Variants in CTNNA1 observed in about 807,000 individuals in gnomAD.
CTNNA1 encodes catenin alpha 1.
A neutral mutation model predicts 98.4 loss-of-function variants in CTNNA1; 37 were observed. The ratio of observed to expected loss-of-function variants is 0.38; its 90% CI spans 0.29 to 0.49. The LOEUF is 0.49. Among genes scored for constraint, CTNNA1 ranks in the 20% least tolerant of loss-of-function variants. The pLI is 0.95. For missense variants in CTNNA1, 761 were observed against 1,147.2 expected (o/e 0.66, Z 4.86); for synonymous variants, 404 against 413.2 (o/e 0.98, Z 0.27).
intron 5 of CTNNA1, 69 bp from the exon 6 acceptor site, chr5:138,824,461 A>T: frequency 6.5e-7 from 1 of 1,529,464 alleles, no homozygotes; most frequent in South Asian, 1.2e-5. Context: ...AGCATTTACC[A>T]GCAAATTTTT....
At chr5:138,780,721 G>A (rs1754989525) in intron 1 of CTNNA1, among the ~76,000 whole-genome samples, 2 of 151,236 alleles carry the variant, frequency 1.3e-5, no homozygotes, top group South Asian at 4.2e-4. Context: ...TATCCTTGTT[G>A]GTCAGGCTGG....
chr5:138,811,637 C>T (rs969215569), intron 4 of CTNNA1, among the ~76,000 whole-genome samples: 196 of 151,710 alleles, frequency 1.3e-3, no homozygotes, highest in African/African-American at 4.4e-3. Flanking sequence ...TGTTGAGCAC[C>T]GAGTGAACCA....
At chr5:138,923,009 A>G (rs2150275009) in intron 11 of CTNNA1, among the ~76,000 whole-genome samples, 1 of 145,706 alleles carries the variant, frequency 6.9e-6, no homozygotes, top group Middle Eastern at 3.5e-3. Flanking sequence ...TTTTGAACGG[A>G]AAGGAATGCC....
chr5:138,825,529 TA>T (rs66958270), intron 6 of CTNNA1, among the ~76,000 whole-genome samples: 80,689 of 115,924 alleles, frequency 0.7, 28,118 homozygotes, highest in East Asian at 0.99. Context: ...TGGGGCTAAT[TA>T]AAAAAAAAAA....
At chr5:138,766,446 G>GT (rs1299954362) in intron 1 of CTNNA1, among the ~76,000 whole-genome samples, 42 of 89,330 alleles carry the variant, frequency 4.7e-4, no homozygotes, top group East Asian at 2.3e-3. Flanking sequence ...GCAATACCAT[G>GT]TTTTGTTTTT....
chr5:138,877,193 A>G (rs1484812092), intron 7 of CTNNA1, among the ~76,000 whole-genome samples: 1 of 152,044 alleles, frequency 6.6e-6, no homozygotes, highest in African/African-American at 2.4e-5. Flanking sequence ...CCTGGTTTAG[A>G]CCCGGGGAAT....
At chr5:138,841,874 C>T (rs1189782143) in intron 7 of CTNNA1, among the ~76,000 whole-genome samples, 2 of 152,138 alleles carry the variant, frequency 1.3e-5, no homozygotes, top group African/African-American at 4.8e-5. Context: ...TTCAAGGCTT[C>T]CTTAAGGGCT....
chr5:138,769,880 C>T (rs1264220106), intron 1 of CTNNA1, among the ~76,000 whole-genome samples: 1 of 151,296 alleles, frequency 6.6e-6, no homozygotes, highest in Non-Finnish European at 1.5e-5. Flanking sequence ...GAGTTTCGGT[C>T]TTGTCGTCCA....
At chr5:138,783,445 G>T (rs185384229) in intron 3 of CTNNA1, 73 bp downstream of exon 3, 489 of 1,338,434 alleles carry the variant, frequency 3.7e-4, no homozygotes, top group South Asian at 5.5e-4. Flanking sequence ...GATTTTTTTT[G>T]TGGTCAGTAT....
At chr5:138,816,499 A>G (rs559150920) in intron 5 of CTNNA1, among the ~76,000 whole-genome samples, 2 of 152,302 alleles carry the variant, frequency 1.3e-5, no homozygotes, top group East Asian at 3.9e-4. Flanking sequence ...CCATCAGTGT[A>G]TAAGAGTGTT....
intron 9 of CTNNA1, among the ~76,000 whole-genome samples, chr5:138,887,948 C>G (rs1754451837): frequency 6.6e-6 from 1 of 152,138 alleles, no homozygotes; most frequent in Admixed American, 6.5e-5. Context: ...GCAACAATGC[C>G]TAAGAACCAG....
intron 10 of CTNNA1, among the ~76,000 whole-genome samples, chr5:138,913,010 C>T (rs1760976855): frequency 6.6e-6 from 1 of 150,752 alleles, no homozygotes; most frequent in Admixed American, 6.6e-5. Flanking sequence ...AATATTGTGA[C>T]TAATGGTGAC....
At chr5:138,765,356 A>G (rs1455035253) in intron 1 of CTNNA1, among the ~76,000 whole-genome samples, 1 of 151,796 alleles carries the variant, frequency 6.6e-6, no homozygotes, top group African/African-American at 2.4e-5. Flanking sequence ...TAATTTTCTT[A>G]TTTTTAGTAG....
chr5:138,920,226 C>T (rs536054203), intron 11 of CTNNA1, among the ~76,000 whole-genome samples: 4 of 152,254 alleles, frequency 2.6e-5, no homozygotes, highest in East Asian at 1.9e-4. Flanking sequence ...GTGATCCACC[C>T]GCTTCAGCCT....
At chr5:138,866,892 C>T (rs1764833362) in intron 7 of CTNNA1, among the ~76,000 whole-genome samples, 1 of 152,138 alleles carries the variant, frequency 6.6e-6, no homozygotes, top group African/African-American at 2.4e-5. Flanking sequence ...TTGTAAAAGA[C>T]AATTTGTAGT....
chr5:138,844,021 C>CT (rs1762489680), intron 7 of CTNNA1, among the ~76,000 whole-genome samples: 1 of 151,972 alleles, frequency 6.6e-6, no homozygotes, highest in Non-Finnish European at 1.5e-5. Context: ...ATTCTTAAGG[C>CT]TTTTTTTGGA....
At chr5:138,887,119 A>G (rs557196827) in intron 8 of CTNNA1, among the ~76,000 whole-genome samples, 8 of 152,246 alleles carry the variant, frequency 5.3e-5, no homozygotes, top group Non-Finnish European at 8.8e-5. Context: ...TATTTAGCCA[A>G]TTAGGCTAAT....
intron 9 of CTNNA1, among the ~76,000 whole-genome samples, chr5:138,903,981 G>A (rs1758637643): frequency 6.6e-6 from 1 of 152,202 alleles, no homozygotes. Context: ...GATAACAACA[G>A]TTCTTTCCTG....
At chr5:138,810,898 G>C (rs970589219) in intron 4 of CTNNA1, among the ~76,000 whole-genome samples, 51 of 151,356 alleles carry the variant, frequency 3.4e-4, no homozygotes, top group African/African-American at 1.2e-3. Flanking sequence ...CTCCCGCACG[G>C]GGCGGCTGGC....
Sources: gnomAD v4.1 joint callset for allele counts (sites outside exome capture counted in the v4.1 genomes callset) on GRCh38, gnomAD v4.1.1 for gene constraint, MANE v1.5 for transcripts, NCBI Gene and HGNC (gene_info 2026-07-23, HGNC 2026-07-21) for gene names.